Variants in DPP6 observed in about 807,000 individuals in gnomAD.
DPP6 encodes the protein dipeptidyl peptidase like 6.
In DPP6, 69 loss-of-function variants were observed where a neutral mutation model predicts 122.6. The ratio of observed to expected loss-of-function variants is 0.56; its 90% confidence interval spans 0.46 to 0.69. The LOEUF (loss-of-function observed/expected upper bound fraction) is 0.69. Among genes scored for constraint, DPP6 ranks in the 30% least tolerant of loss-of-function variants. The pLI, the probability that DPP6 is intolerant of heterozygous loss-of-function variation, is 0.00. For synonymous variants in DPP6, 418 were observed against 433.1 expected (o/e 0.97, Z 0.43); for missense variants, 928 against 1,116.9 (o/e 0.83, Z 2.41).
At chr7:154,225,372 T>C (rs993530188) in intron 1 of DPP6, among the ~76,000 whole-genome samples, 13 of 152,104 alleles carry the variant, frequency 8.5e-5, no homozygotes, top group African/African-American at 3.1e-4. Context: ...AGAATATATA[T>C]CTATAGAACA....
intron 1 of DPP6, among the ~76,000 whole-genome samples, chr7:154,203,800 G>A (rs1298887551): frequency 6.6e-6 from 1 of 152,192 alleles, no homozygotes. Context: ...TGTCCAAACT[G>A]CAGCTCACAC....
At chr7:154,480,029 C>T (rs979082465) in intron 3 of DPP6, among the ~76,000 whole-genome samples, 3 of 152,184 alleles carry the variant, frequency 2.0e-5, no homozygotes, top group African/African-American at 7.2e-5. Flanking sequence ...GCCCCTGCCC[C>T]GCCCCACAGG....
At chr7:154,381,126 G>T (rs1344668155) in intron 1 of DPP6, among the ~76,000 whole-genome samples, 1 of 152,092 alleles carries the variant, frequency 6.6e-6, no homozygotes, top group Non-Finnish European at 1.5e-5. Flanking sequence ...GGTGGGCGTG[G>T]GCACCAGATA....
Position 154,417,213 on chromosome 7 carries a change from G to T in DPP6, c.244-29001G>T, listed in dbSNP as rs147473650. Among the ~76,000 whole-genome samples the T allele has an allele frequency of 3.9e-5, 6 of 152,210 alleles. No homozygotes were observed. The South Asian group carries it at 1.2e-3, about 32-fold the overall frequency. ...CACCAATTACTTTCAAGACTGACTC[G>T]CTGACATGGAAATTCCTTATCTGGA... On this transcript the variant is annotated intron_variant, in intron 1 of 25. Transcript: ENST00000377770.
At chr7:154,766,418 G>T (rs1211805398) in intron 8 of DPP6, among the ~76,000 whole-genome samples, 1 of 152,132 alleles carries the variant, frequency 6.6e-6, no homozygotes, top group Non-Finnish European at 1.5e-5. Context: ...TTCAAGTAAT[G>T]ATTCTCCTGC....
chr7:154,635,335 G>A (rs11243336), intron 5 of DPP6, among the ~76,000 whole-genome samples: 10,262 of 151,556 alleles, frequency 0.068, 1,132 homozygotes, highest in African/African-American at 0.23. Context: ...CTTGGCTGAA[G>A]TAATATCAAA....
chr7:154,749,334 G>A (rs13311445), intron 8 of DPP6, among the ~76,000 whole-genome samples: 1 of 141,896 alleles, frequency 7.0e-6, no homozygotes, highest in African/African-American at 2.7e-5. Flanking sequence ...TAGGATGGGA[G>A]AGAGAGGGAT....
chr7:154,545,478 T>C (rs4726428), intron 4 of DPP6, among the ~76,000 whole-genome samples: 2 of 116,636 alleles, frequency 1.7e-5, no homozygotes, highest in African/African-American at 4.0e-5. Flanking sequence ...CTCCCTTCCT[T>C]CCTTCCTTCC....
At chr7:154,740,840 T>A (rs550334333) in intron 8 of DPP6, among the ~76,000 whole-genome samples, 1 of 152,284 alleles carries the variant, frequency 6.6e-6, no homozygotes, top group Non-Finnish European at 1.5e-5. Flanking sequence ...CTTTATTAGA[T>A]GATTCTGATA....
chr7:154,769,310 T>G, intron 8 of DPP6, 107 bp from the exon 9 acceptor site: 1 of 1,444,266 alleles, frequency 6.9e-7, no homozygotes, highest in East Asian at 2.3e-5. Flanking sequence ...GATAAGGGGC[T>G]CTGCAGGGAC....
At chr7:154,192,246 G>A (rs1012991761) in intron 1 of DPP6, among the ~76,000 whole-genome samples, 4 of 152,178 alleles carry the variant, frequency 2.6e-5, no homozygotes, top group Non-Finnish European at 5.9e-5. Flanking sequence ...TTTCCCAATT[G>A]TACAACGTCT....
intron 6 of DPP6, among the ~76,000 whole-genome samples, chr7:154,644,505 T>C (rs1204000157): frequency 1.3e-5 from 2 of 152,076 alleles, no homozygotes; most frequent in Non-Finnish European, 2.9e-5. Context: ...TCAGCACCCA[T>C]GTTGGTTAGT....
chr7:154,881,591 G>A (rs1584970618), intron 21 of DPP6, among the ~76,000 whole-genome samples: 1 of 152,298 alleles, frequency 6.6e-6, no homozygotes, highest in East Asian at 1.9e-4. Context: ...CTTCCCTCTG[G>A]GAGTGACCCT....
chr7:153,794,363 T>A, the DPP6 span, among the ~76,000 whole-genome samples: 1,475 of 152,312 alleles, frequency 9.7e-3, 8 homozygotes, highest in Non-Finnish European at 0.014. Flanking sequence ...GAGATCATTT[T>A]GGAGCCCTAA....
chr7:154,723,836 T>G (rs575968683), intron 7 of DPP6, among the ~76,000 whole-genome samples: 1 of 152,322 alleles, frequency 6.6e-6, no homozygotes, highest in East Asian at 1.9e-4. Context: ...TGATCCCCAC[T>G]CTTGGTCCGC....
chr7:154,381,016 C>T (rs547412459), intron 1 of DPP6, among the ~76,000 whole-genome samples: 1 of 152,300 alleles, frequency 6.6e-6, no homozygotes, highest in East Asian at 1.9e-4. Flanking sequence ...TGTCTCATCT[C>T]AGTGTGCAGG....
intron 1 of DPP6, among the ~76,000 whole-genome samples, chr7:153,940,352 C>T (rs1403238481): frequency 1.3e-5 from 2 of 152,068 alleles, no homozygotes; most frequent in Admixed American, 6.6e-5. Context: ...CAAAACACGC[C>T]GCAACTTAAG....
intron 1 of DPP6, among the ~76,000 whole-genome samples, chr7:153,927,522 A>G (rs1250260290): frequency 6.6e-6 from 1 of 152,212 alleles, no homozygotes. Flanking sequence ...CTTCTACTTC[A>G]GTGATATCCA....
chr7:154,437,299 C>A (rs192777794), intron 1 of DPP6, among the ~76,000 whole-genome samples: 148 of 152,244 alleles, frequency 9.7e-4, no homozygotes, highest in Admixed American at 1.7e-3. Flanking sequence ...CATTCTAGGC[C>A]AGCTATAGTT....
Sources: allele counts gnomAD v4.1 joint callset (sites outside exome capture counted in the v4.1 genomes callset), GRCh38; gene constraint gnomAD v4.1.1; transcripts MANE v1.5; gene names NCBI Gene and HGNC (gene_info 2026-07-23, HGNC 2026-07-21).